Variants in SLA2 observed in about 807,000 individuals in gnomAD.
SLA2 encodes the protein Src like adaptor 2.
SLA2 carries 22 observed loss-of-function variants against 27.3 expected under a neutral mutation model. The ratio of observed to expected loss-of-function variants is 0.81; its 90% CI spans 0.58 to 1.15. SLA2 has a LOEUF of 1.15. Ranked by LOEUF, SLA2 falls within the 50% of genes most tolerant of loss-of-function variation. SLA2 has a pLI of 0.00. For synonymous variants in SLA2, 131 were observed against 137.8 expected, an observed-to-expected ratio of 0.95 and a Z score of 0.34; for missense variants, 304 against 322.2, an observed-to-expected ratio of 0.94 and a Z score of 0.43.
In SLA2 at chr20:36,613,869, G is replaced by A. The variant is rs138586858; in HGVS notation, c.783C>T (p.Ala261=). The change falls in exon 8 of 8, where the codon GCC becomes GCT. Residue 261 remains alanine, a synonymous_variant. Transcript: ENST00000262866. ...LNDEAVSLDD[A] ...CCTTTTGGCCTCTCCTTTGGGCCTA[G>A]GCATCATCCAAAGAGACAGCCTCGT... 6.2e-7 allele frequency: 1 copy of A among 1,612,654 alleles called. No individual in the cohort carries two copies. The highest frequency in any genetic ancestry group is 8.5e-7 in the Non-Finnish European group (1 of 1,179,342).
intron 1 of SLA2, among the ~76,000 whole-genome samples, chr20:36,645,306 A>G (rs1468851177): frequency 6.6e-6 from 1 of 151,674 alleles, no homozygotes; most frequent in African/African-American, 2.4e-5. Context: ...GTTCAAGTCT[A>G]TAGTTAGTCA....
chr20:36,624,223 C>T (rs997351757), intron 5 of SLA2, among the ~76,000 whole-genome samples: 6 of 152,102 alleles, frequency 3.9e-5, no homozygotes, highest in African/African-American at 1.2e-4. Context: ...GGGGTCAGGT[C>T]GTCTCATGCC....
chr20:36,636,145 C>T (rs374157381), intron 2 of SLA2, among the ~76,000 whole-genome samples: 10 of 151,970 alleles, frequency 6.6e-5, no homozygotes, highest in Admixed American at 6.6e-5. Context: ...AGGCCGGGCG[C>T]GGTGGCTCAC....
rs748256386 is a variant in SLA2, at chr20:36,641,251, C to T, written c.85G>A (p.Glu29Lys). Residue 29 changes from glutamate (E) to lysine (K), a missense_variant, in exon 2 of 8, where the codon GAA (glutamate) becomes AAA (lysine). Transcript: ENST00000262866. ...SVQGQGPVTM[E>K]AERSKATAVA... Reference sequence around the variant, plus strand: ...CACAGGCCCTGAGGCCTACCTGCTTCCATGGTCACAGGTCCCTGGCCTTGG... The same window carrying T: ...CACAGGCCCTGAGGCCTACCTGCTTTCATGGTCACAGGTCCCTGGCCTTGG... 2 of 1,613,894 alleles carry T rather than the reference C, an allele frequency of 1.2e-6. No individual in the cohort carries two copies. The highest frequency in any genetic ancestry group is 2.2e-5 in the South Asian group (2 of 91,080).
intron 1 of SLA2, among the ~76,000 whole-genome samples, chr20:36,642,523 C>T (rs2039516879): frequency 6.6e-6 from 1 of 152,102 alleles, no homozygotes; most frequent in South Asian, 2.1e-4. Context: ...CCCACCTCAG[C>T]CTCCCAAGTA....
At chr20:36,615,135 C>T in intron 6 of SLA2, 90 bp downstream of exon 6, 1 of 1,586,168 alleles carries the variant, frequency 6.3e-7, no homozygotes, top group East Asian at 2.3e-5. Context: ...TCTGAATACT[C>T]CACAGTAGGT....
intron 5 of SLA2, among the ~76,000 whole-genome samples, chr20:36,627,350 G>A (rs1189180675): frequency 2.0e-5 from 3 of 152,200 alleles, no homozygotes; most frequent in Non-Finnish European, 1.5e-5. Flanking sequence ...TGAGGGATCA[G>A]ATAAGGAGCT....
At chr20:36,644,617 C>G (rs1274686482) in intron 1 of SLA2, among the ~76,000 whole-genome samples, 1 of 152,236 alleles carries the variant, frequency 6.6e-6, no homozygotes, top group Non-Finnish European at 1.5e-5. Context: ...GCTCCCTTCA[C>G]CTGGTCAAGG....
intron 5 of SLA2, among the ~76,000 whole-genome samples, chr20:36,631,398 C>T (rs1328421961): frequency 6.6e-6 from 1 of 152,212 alleles, no homozygotes; most frequent in Admixed American, 6.5e-5. Flanking sequence ...AAGTGATTCT[C>T]CCACCTCAGC....
At position 36,612,843 on chromosome 20, in the gene SLA2, TAAG is replaced by T. The variant is rs1208496587; in HGVS notation, c.*1020_*1022del. 6.4e-6 allele frequency: 1 copy of T among 155,838 alleles called. No individual in the cohort carries two copies. Among genetic ancestry groups the T allele is most frequent in the Non-Finnish European group, 1.4e-5 (1 of 70,408 alleles). The allele number at this position is 155,838 out of a possible 1,614,324, so 9.7% of individuals were successfully genotyped here. Reference sequence around the variant, plus strand: ...TGGCCTCACTGCAGTGTGCTAGACTTAAGAGGTGTTATTTTTTATTCGGCCACA... The same window carrying T: ...TGGCCTCACTGCAGTGTGCTAGACTTAGGTGTTATTTTTTATTCGGCCACA... On this transcript the variant is annotated 3_prime_UTR_variant, in exon 8 of 8. Transcript: ENST00000262866.
chr20:36,616,576 G>T (rs1038545579), intron 5 of SLA2, among the ~76,000 whole-genome samples: 1 of 151,834 alleles, frequency 6.6e-6, no homozygotes, highest in Non-Finnish European at 1.5e-5. Context: ...CTCGTGATCC[G>T]CCTGCCTCAG....
intron 5 of SLA2, among the ~76,000 whole-genome samples, chr20:36,625,164 C>T (rs1338612521): frequency 6.6e-6 from 1 of 151,410 alleles, no homozygotes. Context: ...CTTAATGGTC[C>T]TCATTTCAAG....
chr20:36,627,364 T>C (rs1026607157), intron 5 of SLA2, among the ~76,000 whole-genome samples: 2 of 152,152 alleles, frequency 1.3e-5, no homozygotes, highest in Non-Finnish European at 2.9e-5. Flanking sequence ...AGGAGCTGCA[T>C]GTGAGAAGTG....
chr20:36,636,623 A>AAAAAATAT (rs1387991352), intron 2 of SLA2, among the ~76,000 whole-genome samples: 20 of 114,674 alleles, frequency 1.7e-4, no homozygotes, highest in Non-Finnish European at 2.5e-4. Context: ...AAAAAAAAAA[A>AAAAAATAT]ATATATATAT....
rs748964079 is a variant in SLA2 at position 36,613,914 on chromosome 20, G to A, written c.738C>T (p.Ser246=). ...CCTCGTCATTCAGGCTGATGTAGAAGCTGAGGGACTCCCGGAGACCCTCAC... is the reference window on the plus strand; with the variant it reads ...CCTCGTCATTCAGGCTGATGTAGAAACTGAGGGACTCCCGGAGACCCTCAC... ...LLSEGLRESL[S]FYISLNDEAV... is the part of the protein sequence containing the mutation. The change falls in exon 8 of 8, where the codon AGC becomes AGT. Residue 246 remains serine (S), a synonymous_variant. Transcript: ENST00000262866. The A allele has an allele frequency of 5.0e-6, 8 of 1,614,110 alleles. No homozygotes were observed. Among genetic ancestry groups the A allele is most frequent in the Non-Finnish European group, 5.1e-6 (6 of 1,179,988 alleles).
chr20:36,633,710 C>A, intron 3 of SLA2, 81 bp from the exon 4 acceptor site: 1 of 1,218,458 alleles, frequency 8.2e-7, no homozygotes, highest in Admixed American at 1.8e-5. Context: ...TTGCAAGGAC[C>A]CTCTCAGGCT....
chr20:36,624,951 G>C (rs1322279531), intron 5 of SLA2, among the ~76,000 whole-genome samples: 1 of 151,938 alleles, frequency 6.6e-6, no homozygotes, highest in African/African-American at 2.4e-5. Context: ...TGTTTGGGGG[G>C]CAGTCTCTCC....
chr20:36,614,226 T>G, intron 7 of SLA2, 79 bp downstream of exon 7: 3 of 1,608,126 alleles, frequency 1.9e-6, no homozygotes, highest in Non-Finnish European at 2.6e-6. Context: ...ACAGGTACAT[T>G]CCGGGTTGTG....
chr20:36,621,216 T>C, intron 5 of SLA2: 3 of 513,092 alleles, frequency 5.8e-6, no homozygotes, highest in South Asian at 4.6e-5. Flanking sequence ...GAGGATATGA[T>C]GGTTACAATG....
Sources: allele counts gnomAD v4.1 joint callset (sites outside exome capture counted in the v4.1 genomes callset), GRCh38; gene constraint gnomAD v4.1.1; transcripts MANE v1.5; gene names NCBI Gene and HGNC (gene_info 2026-07-23, HGNC 2026-07-21).